Variants in PCNT observed in about 807,000 individuals in gnomAD.
The protein encoded by PCNT is pericentrin.
PCNT carries 319 observed loss-of-function variants against 380.4 expected under a neutral mutation model. The ratio of observed to expected loss-of-function variants is 0.84; its 90% confidence interval spans 0.77 to 0.92. PCNT has a LOEUF of 0.92. Ranked by LOEUF, PCNT falls within the 40% of genes least tolerant of loss-of-function variation. The pLI, the probability that PCNT is intolerant of heterozygous loss-of-function variation, is 0.00. For synonymous variants in PCNT, 1,845 were observed against 1,735.2 expected (o/e 1.06, Z -1.57); for missense variants, 4,400 against 4,255.3 (o/e 1.03, Z -0.95).
Position 46,416,388 on chromosome 21 carries a change from G to T in PCNT, c.6470G>T (p.Gly2157Val), listed in dbSNP as rs752108684. 6.2e-7 allele frequency: 1 copy of T among 1,614,140 alleles called. No homozygotes were observed. Among genetic ancestry groups the T allele is most frequent in the African/African-American group, 1.3e-5 (1 of 74,996 alleles). The part of the protein sequence containing the change: ...IDACDANTTP[G>V]GVTDVIKNWD... Reference sequence around the variant, plus strand: ...GCGTGTGATGCCAATACAACCCCAGGGGGTGTAACTGATGTTATCAAAAAT... The same window carrying T: ...GCGTGTGATGCCAATACAACCCCAGTGGGTGTAACTGATGTTATCAAAAAT... Residue 2157 changes from glycine to valine, a missense_variant, in exon 30 of 47, where the codon GGG (glycine) becomes GTG (valine). Coordinates refer to ENST00000359568, the MANE Select transcript of PCNT (RefSeq NM_006031.6).
At chr21:46,343,853 G>A (rs931456783) in intron 3 of PCNT, among the ~76,000 whole-genome samples, 2 of 152,152 alleles carry the variant, frequency 1.3e-5, no homozygotes, top group African/African-American at 4.8e-5. Context: ...TCGAAGGGAT[G>A]TATATTTCCA....
chr21:46,405,773 C>T (rs2086604209), intron 27 of PCNT, among the ~76,000 whole-genome samples: 1 of 152,140 alleles, frequency 6.6e-6, no homozygotes, highest in Non-Finnish European at 1.5e-5. Context: ...TGCTCTAGAA[C>T]TTGACCTCTA....
chr21:46,360,808 A>G (rs528239392), intron 13 of PCNT, among the ~76,000 whole-genome samples: 51 of 151,986 alleles, frequency 3.4e-4, no homozygotes, highest in Admixed American at 1.2e-3. Context: ...GTGAGCCACC[A>G]CGCCTGGCCA....
intron 17 of PCNT, 89 bp downstream of exon 17, chr21:46,386,072 C>T: frequency 6.6e-7 from 1 of 1,510,884 alleles, no homozygotes; most frequent in Non-Finnish European, 9.1e-7. Context: ...GGCTCCTGGC[C>T]CCGTGGCTGC....
chr21:46,334,904 C>A, intron 3 of PCNT, 136 bp downstream of exon 3: 2 of 1,409,318 alleles, frequency 1.4e-6, no homozygotes, highest in Non-Finnish European at 1.9e-6. Flanking sequence ...GCATAGAGAG[C>A]TGGAGGCAGA....
intron 27 of PCNT, among the ~76,000 whole-genome samples, chr21:46,405,812 T>TA (rs888633504): frequency 1.1e-4 from 17 of 152,328 alleles, no homozygotes; most frequent in African/African-American, 4.1e-4. Context: ...GAAAAATATA[T>TA]AAAAAATAGT....
chr21:46,422,932 C>A (rs539090743), intron 32 of PCNT, among the ~76,000 whole-genome samples: 1 of 152,100 alleles, frequency 6.6e-6, no homozygotes, highest in African/African-American at 2.4e-5. Flanking sequence ...TGAGGACTTA[C>A]TGCATTCAGA....
chr21:46,380,504 C>A (rs558873888), intron 15 of PCNT, among the ~76,000 whole-genome samples: 1 of 151,824 alleles, frequency 6.6e-6, no homozygotes, highest in African/African-American at 2.4e-5. Context: ...GACCCAGTCA[C>A]GGCAGCAAGG....
Position 46,412,105 on chromosome 21 carries a change from T to C in PCNT, c.5994+38T>C, listed in dbSNP as rs73907502. 144,126 of 1,593,010 alleles carry C rather than the reference T, an allele frequency of 0.09. 12,087 individuals carry two copies. Among genetic ancestry groups the C allele is most frequent in the African/African-American group, 0.45 (33,527 of 74,664 alleles). On this transcript the variant is annotated intron_variant, in intron 28 of 46. Coordinates refer to ENST00000359568, the MANE Select transcript of PCNT (RefSeq NM_006031.6). ...CGCGGGCCATGGCAGGGTATTTTTT[T>C]TTACTCTCCTTTTCTCCTTTGATGT...
Position 46,416,554 on chromosome 21 carries a change from G to A in PCNT, c.6636G>A (p.Arg2212=), listed in dbSNP as rs1025791815. ...HQSHTAEAGP[R]KSPVGMLDLS... ...GCCACACTGCAGAGGCTGGGCCCCG[G>A]AAGAGCCCGGTCGGGATGCTGGACC... Residue 2212 remains arginine, a synonymous_variant, in exon 30 of 47, where the codon CGG becomes CGA. Coordinates refer to ENST00000359568, the MANE Select transcript of PCNT (RefSeq NM_006031.6). 5 of 1,612,832 alleles carry A rather than the reference G, an allele frequency of 3.1e-6. No individual in the cohort carries two copies. The highest frequency in any genetic ancestry group is 4.2e-6 in the Non-Finnish European group (5 of 1,179,676).
At chr21:46,334,851 C>T (rs766777581) in intron 3 of PCNT, 83 bp downstream of exon 3, 44 of 1,596,760 alleles carry the variant, frequency 2.8e-5, no homozygotes, top group African/African-American at 5.4e-5. Flanking sequence ...GTGAGAGGAC[C>T]TTCCATCTCT....
intron 8 of PCNT, among the ~76,000 whole-genome samples, chr21:46,350,353 G>A (rs1569182440): frequency 6.6e-6 from 1 of 152,154 alleles, no homozygotes; most frequent in East Asian, 1.9e-4. Flanking sequence ...CAGACACTAG[G>A]TAGGAGTGTA....
rs556823182 is a variant in PCNT at position 46,436,095 on chromosome 21, G to T, written c.8943G>T (p.Arg2981=). 31 of 1,611,608 alleles carry T rather than the reference G, an allele frequency of 1.9e-5. No individual in the cohort carries two copies. The South Asian group carries it at 3.1e-4, about 16-fold the overall frequency. The change falls in exon 39 of 47, where the codon CGG becomes CGT. Residue 2981 remains arginine, a synonymous_variant. Coordinates refer to ENST00000359568, the MANE Select transcript of PCNT (RefSeq NM_006031.6). ...QQRELEAMRQ[R]LLSAARLLTS... is the part of the protein sequence containing the mutation. Reference sequence around the variant, plus strand: ...GAGAGCTGGAGGCGATGAGGCAGCGGCTGCTCTCTGCCGCCCGGCTTCTCA... The same window carrying T: ...GAGAGCTGGAGGCGATGAGGCAGCGTCTGCTCTCTGCCGCCCGGCTTCTCA...
At chr21:46,381,439 T>C (rs543789155) in intron 15 of PCNT, among the ~76,000 whole-genome samples, 36 of 152,274 alleles carry the variant, frequency 2.4e-4, no homozygotes, top group Non-Finnish European at 4.3e-4. Flanking sequence ...GAGCAGTTGC[T>C]TATGACACGC....
At chr21:46,395,362 C>T (rs1398851416) in intron 21 of PCNT, among the ~76,000 whole-genome samples, 1 of 152,186 alleles carries the variant, frequency 6.6e-6, no homozygotes, top group Admixed American at 6.5e-5. Context: ...CAGACTCCAT[C>T]TCAGAAATAA....
chr21:46,444,189 GGT>G (rs2053688994), intron 45 of PCNT, among the ~76,000 whole-genome samples: 1 of 152,202 alleles, frequency 6.6e-6, no homozygotes, highest in East Asian at 1.9e-4. Context: ...AAGAGTAAAT[GGT>G]GGCCGAGGGC....
intron 29 of PCNT, among the ~76,000 whole-genome samples, chr21:46,415,185 G>T (rs1340875053): frequency 6.6e-6 from 1 of 152,170 alleles, no homozygotes; most frequent in African/African-American, 2.4e-5. Flanking sequence ...GAGCCTGAAA[G>T]ATTCTTAATT....
At chr21:46,345,496 C>G (rs941154367) in intron 3 of PCNT, among the ~76,000 whole-genome samples, 1 of 152,162 alleles carries the variant, frequency 6.6e-6, no homozygotes, top group Non-Finnish European at 1.5e-5. Context: ...GGATTATAGG[C>G]GTGAGCCACC....
chr21:46,327,846 G>A (rs1218525179), intron 2 of PCNT, among the ~76,000 whole-genome samples: 1 of 152,228 alleles, frequency 6.6e-6, no homozygotes, highest in South Asian at 2.1e-4. Context: ...GAGGAGACTG[G>A]GTCTGCTGCT....
Sources: gnomAD v4.1 joint callset for allele counts (sites outside exome capture counted in the v4.1 genomes callset) on GRCh38, gnomAD v4.1.1 for gene constraint, MANE v1.5 for transcripts, NCBI Gene and HGNC (gene_info 2026-07-23, HGNC 2026-07-21) for gene names.